Variants in PNPT1 observed in about 807,000 individuals in gnomAD.
PNPT1 encodes polyribonucleotide nucleotidyltransferase 1, mitochondrial.
A neutral mutation model predicts 119.5 loss-of-function variants in PNPT1; 53 were observed. The ratio of observed to expected loss-of-function variants is 0.44; its 90% confidence interval spans 0.36 to 0.56. The LOEUF (loss-of-function observed/expected upper bound fraction) is 0.56. PNPT1 is among the 20% of genes least tolerant of loss of function. The probability of loss-of-function intolerance (pLI) is 0.00; values close to 1 mark genes in which losing one functional copy is unlikely to be tolerated. For missense variants in PNPT1, 948 were observed against 938.5 expected (o/e 1.01, Z -0.13); for synonymous variants, 357 against 322.1 (o/e 1.11, Z -1.16).
At chr2:55,650,034 G>C (rs993578342) in intron 18 of PNPT1, among the ~76,000 whole-genome samples, 3 of 152,050 alleles carry the variant, frequency 2.0e-5, no homozygotes, top group Non-Finnish European at 4.4e-5. Flanking sequence ...ACTGCCTCTC[G>C]AGTCCCTACC....
At chr2:55,654,358 T>C (rs1696316418) in intron 18 of PNPT1, among the ~76,000 whole-genome samples, 1 of 152,212 alleles carries the variant, frequency 6.6e-6, no homozygotes, top group Non-Finnish European at 1.5e-5. Flanking sequence ...TTCCTAAAAT[T>C]GTGTGTACAC....
Position 55,671,389 on chromosome 2 carries a change from T to G in PNPT1, c.919-13A>C. 6.6e-7 allele frequency: 1 copy of G among 1,506,778 alleles called. No homozygotes were observed. The highest frequency in any genetic ancestry group is 2.1e-5 in the Admixed American group (1 of 48,462). 93.3% of individuals were successfully genotyped at this position (1,506,778 alleles called of 1,614,324 possible). ...CATCTCTGGAAACCTAAAAGAAAGT[T>G]GAGGTTCAGTTATTACATATACATG... On this transcript the variant is annotated splice_polypyrimidine_tract_variant and intron_variant, in intron 10 of 27. Coordinates refer to ENST00000447944, the MANE Select transcript of PNPT1 (RefSeq NM_033109.5).
At chr2:55,651,297 G>A (rs1171923401) in intron 18 of PNPT1, among the ~76,000 whole-genome samples, 1 of 152,142 alleles carries the variant, frequency 6.6e-6, no homozygotes, top group East Asian at 1.9e-4. Flanking sequence ...ATTGAGAACG[G>A]GCCATGATGA....
intron 13 of PNPT1, among the ~76,000 whole-genome samples, chr2:55,663,955 C>G (rs919592014): frequency 6.6e-6 from 1 of 152,084 alleles, no homozygotes; most frequent in Non-Finnish European, 1.5e-5. Flanking sequence ...CACCACTGCA[C>G]TCCAGCCTGG....
At position 55,645,447 on chromosome 2, in the gene PNPT1, C is replaced by T; in HGVS notation, c.1739-15G>A. The T allele has an allele frequency of 1.3e-6, 2 of 1,533,750 alleles. No homozygotes were observed. Among genetic ancestry groups the T allele is most frequent in the Non-Finnish European group, 1.8e-6 (2 of 1,110,950 alleles). ...CTTTTTTGCCACTAGAAGAGAAAAACACAAAAATTATAACTACATAAAACA... is the reference window on the plus strand; with the variant it reads ...CTTTTTTGCCACTAGAAGAGAAAAATACAAAAATTATAACTACATAAAACA... On this transcript the variant is annotated splice_polypyrimidine_tract_variant and intron_variant, in intron 21 of 27. Coordinates refer to ENST00000447944, the MANE Select transcript of PNPT1 (RefSeq NM_033109.5).
rs187507906 is a variant in PNPT1, at chr2:55,652,554, C to T, written c.1495+2346G>A. On this transcript the variant is annotated intron_variant, in intron 18 of 27. Transcript: ENST00000447944. Reference sequence around the variant, plus strand: ...TTGAAAGAGACAGGGCTGAAATAAGCATCCTCACGTCTTCAACTTGAGATC... The same window carrying T: ...TTGAAAGAGACAGGGCTGAAATAAGTATCCTCACGTCTTCAACTTGAGATC... Among the ~76,000 whole-genome samples the T allele has an allele frequency of 7.2e-5, 11 of 152,278 alleles. No individual in the cohort carries two copies. The East Asian group carries it at 2.1e-3, about 29-fold the overall frequency.
At chr2:55,671,114 G>A (rs540754755) in intron 11 of PNPT1, among the ~76,000 whole-genome samples, 11 of 152,084 alleles carry the variant, frequency 7.2e-5, no homozygotes, top group African/African-American at 2.7e-4. Flanking sequence ...TTGAACCTTG[G>A]GTTAGAAGAA....
chr2:55,682,208 C>T (rs896005859), intron 5 of PNPT1, among the ~76,000 whole-genome samples: 1 of 151,984 alleles, frequency 6.6e-6, no homozygotes, highest in African/African-American at 2.4e-5. Flanking sequence ...AGGCCTATAC[C>T]AGCACTTTGA....
intron 23 of PNPT1, among the ~76,000 whole-genome samples, chr2:55,643,813 T>G (rs1363516253): frequency 6.6e-6 from 1 of 152,068 alleles, no homozygotes; most frequent in African/African-American, 2.4e-5. Context: ...AGGAGGGACC[T>G]ATTAGTAGCT....
intron 18 of PNPT1, among the ~76,000 whole-genome samples, chr2:55,651,963 C>A (rs1696226391): frequency 6.6e-6 from 1 of 150,504 alleles, no homozygotes; most frequent in South Asian, 2.1e-4. Flanking sequence ...CGAGTAGATT[C>A]CTGAAACACA....
In PNPT1 at chr2:55,680,681, T is replaced by C. The variant is rs373980017; in HGVS notation, c.565+31A>G. On this transcript the variant is annotated intron_variant, in intron 7 of 27. Coordinates refer to ENST00000447944, the MANE Select transcript of PNPT1 (RefSeq NM_033109.5). ...TACTTACTGAAAAAAAAAATACACA[T>C]ATGATTTCTTACTTTTAAATCCTAA... 12 of 1,586,750 alleles carry C rather than the reference T, an allele frequency of 7.6e-6. No individual in the cohort carries two copies. In the Admixed American group the frequency reaches 1.4e-4, roughly 19 times the overall value.
chr2:55,683,566 TC>T (rs1697310549), intron 5 of PNPT1, among the ~76,000 whole-genome samples: 1 of 147,192 alleles, frequency 6.8e-6, no homozygotes, highest in Non-Finnish European at 1.5e-5. Context: ...TGAGCTGAGA[TC>T]GTGCCATTGC....
chr2:55,685,402 C>A (rs1697374884), intron 3 of PNPT1, among the ~76,000 whole-genome samples: 1 of 152,142 alleles, frequency 6.6e-6, no homozygotes, highest in East Asian at 1.9e-4. Flanking sequence ...ATGGCCTGTG[C>A]CCATAGTCCT....
intron 26 of PNPT1, among the ~76,000 whole-genome samples, chr2:55,640,164 T>C (rs966859112): frequency 6.6e-6 from 1 of 151,252 alleles, no homozygotes; most frequent in African/African-American, 2.4e-5. Flanking sequence ...CAGACACTCT[T>C]TTTTTTTTGA....
chr2:55,651,474 C>G (rs1468148254), intron 18 of PNPT1, among the ~76,000 whole-genome samples: 1 of 152,066 alleles, frequency 6.6e-6, no homozygotes, highest in East Asian at 1.9e-4. Context: ...TGTGACCTTA[C>G]CCCCAACCCT....
intron 8 of PNPT1, among the ~76,000 whole-genome samples, chr2:55,678,268 T>C (rs539016003): frequency 6.6e-6 from 1 of 152,258 alleles, no homozygotes; most frequent in Non-Finnish European, 1.5e-5. Flanking sequence ...AAACATGAGG[T>C]AGACATCATC....
At chr2:55,688,540 C>A (rs1697491654) in intron 1 of PNPT1, among the ~76,000 whole-genome samples, 1 of 152,124 alleles carries the variant, frequency 6.6e-6, no homozygotes, top group Admixed American at 6.6e-5. Context: ...GCCTGGCCAA[C>A]ATGGTGAAAT....
intron 8 of PNPT1, among the ~76,000 whole-genome samples, chr2:55,676,009 C>T (rs1280648443): frequency 6.6e-6 from 1 of 151,930 alleles, no homozygotes. Flanking sequence ...GCTTGTAATC[C>T]CAGCACTTTG....
At chr2:55,663,227 TAAA>T (rs1696634923) in intron 13 of PNPT1, among the ~76,000 whole-genome samples, 1 of 151,968 alleles carries the variant, frequency 6.6e-6, no homozygotes, top group African/African-American at 2.4e-5. Flanking sequence ...TCAAAGGACA[TAAA>T]AAAGAATAAG....
Sources: gnomAD v4.1 joint callset for allele counts (sites outside exome capture counted in the v4.1 genomes callset) on GRCh38, gnomAD v4.1.1 for gene constraint, MANE v1.5 for transcripts, NCBI Gene and HGNC (gene_info 2026-07-23, HGNC 2026-07-21) for gene names.